The following BCL11B variants were observed in gnomAD, a reference collection of about 807,000 sequenced individuals.
The protein encoded by BCL11B is BCL11 transcription factor B, also known as B-cell lymphoma/leukemia 11B.
In BCL11B, 8 loss-of-function variants were observed where a neutral mutation model predicts 49.9. The observed-to-expected ratio is 0.16, with a 90% CI of 0.09 to 0.29. The LOEUF (loss-of-function observed/expected upper bound fraction) is 0.29, where lower values mean the gene tolerates loss of function less well. Among genes scored for constraint, BCL11B ranks in the 10% least tolerant of loss-of-function variants. BCL11B has a pLI of 1.00. For missense variants in BCL11B, 1,006 were observed against 1,351.0 expected (o/e 0.74, Z 4.00); for synonymous variants, 739 against 637.4 (o/e 1.16, Z -2.40).
intron 2 of BCL11B, among the ~76,000 whole-genome samples, chr14:99,254,703 C>A (rs1191477479): frequency 1.5e-4 from 23 of 152,236 alleles, no homozygotes; most frequent in Non-Finnish European, 1.5e-5. Flanking sequence ...GAGCCCCGGC[C>A]AGGAGGCAGA....
intron 3 of BCL11B, among the ~76,000 whole-genome samples, chr14:99,201,659 G>A (rs989225665): frequency 3.9e-5 from 6 of 152,126 alleles, no homozygotes; most frequent in South Asian, 4.1e-4. Flanking sequence ...GTGCTGCACC[G>A]CCCCTGGCAC....
chr14:99,210,004 G>A (rs1458689076), intron 3 of BCL11B, among the ~76,000 whole-genome samples: 2 of 151,942 alleles, frequency 1.3e-5, no homozygotes, highest in African/African-American at 4.8e-5. Flanking sequence ...AATGGTGTGA[G>A]GTGGTGCACC....
Position 99,241,992 on chromosome 14 carries a change from C to T in BCL11B, c.428-10435G>A, listed in dbSNP as rs545533423. On this transcript the variant is annotated intron_variant, in intron 2 of 3. Coordinates refer to ENST00000357195, the MANE Select transcript of BCL11B (RefSeq NM_138576.4). This position sits in a 1 kb window ranked among gnomAD's most constrained non-coding sequence, Gnocchi z 4.4. The stretch of plus-strand genomic sequence containing the variant: ...AGCTGTGTTTAACGTGTCTGTCCTC[C>T]ACTCGACTACAAGCCCACTTGGGTT... Among the ~76,000 whole-genome samples, 1 of 152,264 alleles carries T rather than the reference C, an allele frequency of 6.6e-6. No homozygotes were observed. The highest frequency in any genetic ancestry group is 2.4e-5 in the African/African-American group (1 of 41,542).
At chr14:99,255,625 G>A (rs1360182975) in intron 2 of BCL11B, among the ~76,000 whole-genome samples, 1 of 152,162 alleles carries the variant, frequency 6.6e-6, no homozygotes, top group Non-Finnish European at 1.5e-5. Flanking sequence ...ATCTTTCCAT[G>A]GAAACATAAA....
At chr14:99,217,162 A>G (rs1887866415) in intron 3 of BCL11B, among the ~76,000 whole-genome samples, 1 of 152,196 alleles carries the variant, frequency 6.6e-6, no homozygotes, top group African/African-American at 2.4e-5. Context: ...GCACACATAT[A>G]TACAAATATG....
chr14:99,270,903 C>G (rs1889655853), intron 1 of BCL11B, among the ~76,000 whole-genome samples: 1 of 151,274 alleles, frequency 6.6e-6, no homozygotes, highest in Admixed American at 6.6e-5. Context: ...ATGCCCCCTC[C>G]CCGGCCCGGA....
At chr14:99,252,568 A>C (rs1889037807) in intron 2 of BCL11B, among the ~76,000 whole-genome samples, 2 of 152,174 alleles carry the variant, frequency 1.3e-5, no homozygotes. Context: ...TGCTAAGAGA[A>C]TCTCCCAGGT....
chr14:99,172,241 C>G lies in BCL11B; in HGVS notation c.*1910G>C, dbSNP rs1886314888. On this transcript the variant is annotated 3_prime_UTR_variant, in exon 4 of 4. Transcript: ENST00000357195. ...AACTTGTGTCACTTGAGTTTTAATTCAGCAGTAAATCACCTCCACTCCATA... is the reference window on the plus strand; with the variant it reads ...AACTTGTGTCACTTGAGTTTTAATTGAGCAGTAAATCACCTCCACTCCATA... 1 of 225,576 alleles carries G rather than the reference C, an allele frequency of 4.4e-6. No individual in the cohort carries two copies. Among genetic ancestry groups the G allele is most frequent in the Non-Finnish European group, 8.8e-6 (1 of 113,100 alleles). 14.0% of individuals were successfully genotyped at this position (225,576 alleles called of 1,614,324 possible).
chr14:99,175,369 G>C lies in BCL11B; in HGVS notation c.1467C>G (p.Asp489Glu), dbSNP rs1252307867. Residue 489 changes from aspartate (D) to glutamate (E), a missense_variant, in exon 4 of 4, where the codon GAC becomes GAG. Physicochemically the swap from Asp to Glu is conservative, Grantham distance 45 (BLOSUM62 2). Transcript: ENST00000357195. The part of the protein sequence containing the change: ...HKAGSLAGRS[D>E]DGLSAASSPE... ...GGGAGCTGGCGGCCGAGAGCCCGTC[G>C]TCGGAGCGGCCGGCCAGCGAGCCGG... 1.1e-5 allele frequency: 17 copies of C among 1,582,960 alleles called. No individual in the cohort carries two copies. Among genetic ancestry groups the C allele is most frequent in the Non-Finnish European group, 1.3e-5 (15 of 1,169,440 alleles).
At position 99,227,015 on chromosome 14, in the gene BCL11B, C is replaced by A. The variant is rs148191400; in HGVS notation, c.640+4330G>T. Among the ~76,000 whole-genome samples, 204 of 152,282 alleles carry A rather than the reference C, an allele frequency of 1.3e-3. 1 individual carries two copies. Among genetic ancestry groups the A allele is most frequent in the African/African-American group, 4.7e-3 (194 of 41,554 alleles). On this transcript the variant is annotated intron_variant, in intron 3 of 3. Coordinates refer to ENST00000357195, the MANE Select transcript of BCL11B (RefSeq NM_138576.4). Reference sequence around the variant, plus strand: ...CACTTCCACTTCCCTGAGCTGGGATCCTGTGTGTTCTTGTGTGAGACCTTG... The same window carrying A: ...CACTTCCACTTCCCTGAGCTGGGATACTGTGTGTTCTTGTGTGAGACCTTG...
At chr14:99,190,640 G>A (rs1226793131) in intron 3 of BCL11B, among the ~76,000 whole-genome samples, 2 of 152,102 alleles carry the variant, frequency 1.3e-5, no homozygotes, top group South Asian at 2.1e-4. Flanking sequence ...GAGGGAGGAA[G>A]GGCAGTAAAA....
At chr14:99,239,307 C>T (rs954925527) in intron 2 of BCL11B, among the ~76,000 whole-genome samples, 1 of 152,196 alleles carries the variant, frequency 6.6e-6, no homozygotes, top group Non-Finnish European at 1.5e-5. Context: ...AAACAGTATA[C>T]TACATGTCAT....
intron 2 of BCL11B, among the ~76,000 whole-genome samples, chr14:99,238,881 G>A (rs1374326348): frequency 2.0e-5 from 3 of 152,200 alleles, no homozygotes; most frequent in Non-Finnish European, 4.4e-5. Flanking sequence ...CCACCATCCT[G>A]GAATGGGCAG....
At chr14:99,252,324 C>T (rs1889031181) in intron 2 of BCL11B, among the ~76,000 whole-genome samples, 1 of 152,198 alleles carries the variant, frequency 6.6e-6, no homozygotes, top group African/African-American at 2.4e-5. Flanking sequence ...TTTAAGGCAA[C>T]CTGCGAGTGG....
Position 99,242,783 on chromosome 14 carries a change from C to T in BCL11B, c.428-11226G>A, listed in dbSNP as rs919863028. The stretch of plus-strand genomic sequence containing the variant: ...CCAGCTTTTGCTGGAAAAAAGAAAT[C>T]AAGACACTTCCAAAGAAAAGCAACA... On this transcript the variant is annotated intron_variant, in intron 2 of 3. Transcript: ENST00000357195. The surrounding 1 kb of genome is among the most constrained non-coding windows in gnomAD (Gnocchi z 4.4). 4.6e-5 allele frequency among the ~76,000 whole-genome samples: 7 copies of T among 152,234 alleles called. No individual in the cohort carries two copies. Among genetic ancestry groups the T allele is most frequent in the Admixed American group, 2.0e-4 (3 of 15,284 alleles).
Position 99,228,981 on chromosome 14 carries a change from T to C in BCL11B, c.640+2364A>G, listed in dbSNP as rs773781078. Among the ~76,000 whole-genome samples the C allele has an allele frequency of 1.3e-4, 19 of 151,688 alleles. No homozygotes were observed. Among genetic ancestry groups the C allele is most frequent in the Non-Finnish European group, 2.2e-4 (15 of 67,932 alleles). Reference sequence around the variant, plus strand: ...ATGGATGCATGGATGGATGCATGGATGGATGGATGGCTACATGGATGAATG... The same window carrying C: ...ATGGATGCATGGATGGATGCATGGACGGATGGATGGCTACATGGATGAATG... On this transcript the variant is annotated intron_variant, in intron 3 of 3. Coordinates refer to ENST00000357195, the MANE Select transcript of BCL11B (RefSeq NM_138576.4). This position sits in a 1 kb window ranked among gnomAD's most constrained non-coding sequence, Gnocchi z 4.8.
chr14:99,243,231 T>C (rs1888720867), intron 2 of BCL11B, among the ~76,000 whole-genome samples: 1 of 152,138 alleles, frequency 6.6e-6, no homozygotes, highest in African/African-American at 2.4e-5. Context: ...CTAAAATGAA[T>C]GGGGAAGTGG....
intron 3 of BCL11B, among the ~76,000 whole-genome samples, chr14:99,211,687 C>G (rs1312835883): frequency 6.6e-6 from 1 of 152,078 alleles, no homozygotes; most frequent in Non-Finnish European, 1.5e-5. Context: ...AGGGCTGCAC[C>G]TGACCTCTTT....
At chr14:99,263,577 G>C (rs1011359963) in intron 1 of BCL11B, among the ~76,000 whole-genome samples, 1 of 152,222 alleles carries the variant, frequency 6.6e-6, no homozygotes, top group African/African-American at 2.4e-5. Flanking sequence ...GAATGTTTGG[G>C]GAGGGTCTCC....
Sources: allele counts gnomAD v4.1 joint callset (sites outside exome capture counted in the v4.1 genomes callset), GRCh38; gene constraint gnomAD v4.1.1; non-coding constraint Gnocchi (gnomAD v3.1); transcripts MANE v1.5; gene names NCBI Gene and HGNC (gene_info 2026-07-23, HGNC 2026-07-21).